The following PLCB4 variants were observed in gnomAD, a reference collection of about 807,000 sequenced individuals.
PLCB4 encodes 1-phosphatidylinositol 4,5-bisphosphate phosphodiesterase beta-4.
In PLCB4, 77 loss-of-function variants were observed where a neutral mutation model predicts 178.8. The ratio of observed to expected loss-of-function variants is 0.43; its 90% CI spans 0.36 to 0.52. PLCB4 has a LOEUF of 0.52. Ranked by LOEUF, PLCB4 falls within the 20% of genes least tolerant of loss-of-function variation. The pLI, the probability that PLCB4 is intolerant of heterozygous loss-of-function variation, is 0.00. For missense variants in PLCB4, 1,024 were observed against 1,453.4 expected, an observed-to-expected ratio of 0.70 and a Z score of 4.80; for synonymous variants, 496 against 490.8, an observed-to-expected ratio of 1.01 and a Z score of -0.14.
chr20:9,476,625 C>T (rs536903958), intron 38 of PLCB4, 92 bp from the exon 39 acceptor site: 6 of 882,482 alleles, frequency 6.8e-6, no homozygotes, highest in Non-Finnish European at 1.1e-5. Flanking sequence ...TATGGTTTTG[C>T]ATTCATTTTT....
In PLCB4 at chr20:9,230,685, C is replaced by T. The variant is rs2093922264; in HGVS notation, c.-16+13233C>T. Among the ~76,000 whole-genome samples, 4 of 152,076 alleles carry T rather than the reference C, an allele frequency of 2.6e-5. No individual in the cohort carries two copies. In the South Asian group the frequency reaches 8.3e-4, roughly 31 times the overall value. ...CTCTTATGGGTCTCTGTTCAACTGC[C>T]AAGTATGCTGAGGGCTGGGTGGTGT... On this transcript the variant is annotated intron_variant, in intron 3 of 39. Transcript: ENST00000378473.
chr20:9,220,233 C>T (rs945306375), intron 3 of PLCB4, among the ~76,000 whole-genome samples: 3 of 152,158 alleles, frequency 2.0e-5, no homozygotes, highest in Non-Finnish European at 2.9e-5. Flanking sequence ...AAGTAAACAA[C>T]CCTTGATAAC....
At chr20:9,460,254 C>A (rs2043306960) in intron 35 of PLCB4, among the ~76,000 whole-genome samples, 1 of 152,196 alleles carries the variant, frequency 6.6e-6, no homozygotes, top group South Asian at 2.1e-4. Flanking sequence ...GGAGCTCTAC[C>A]TTTTCAGAGT....
At chr20:9,128,192 G>A (rs141944438) in intron 2 of PLCB4, among the ~76,000 whole-genome samples, 1,771 of 152,010 alleles carry the variant, frequency 0.012, 42 homozygotes, top group African/African-American at 0.041. Context: ...AAAGAGTGTG[G>A]TATGTCCCCT....
At chr20:9,326,956 G>A (rs1490420561) in intron 4 of PLCB4, among the ~76,000 whole-genome samples, 2 of 152,096 alleles carry the variant, frequency 1.3e-5, no homozygotes, top group African/African-American at 4.8e-5. Context: ...CTGTCAAAAT[G>A]TATTTGTATT....
At chr20:9,134,148 T>C (rs796636203) in intron 2 of PLCB4, among the ~76,000 whole-genome samples, 3 of 152,328 alleles carry the variant, frequency 2.0e-5, no homozygotes, top group African/African-American at 7.2e-5. Flanking sequence ...CCATTGTTGG[T>C]GTCCAGCCCC....
intron 2 of PLCB4, among the ~76,000 whole-genome samples, chr20:9,191,303 G>A (rs2093399710): frequency 6.7e-6 from 1 of 150,160 alleles, no homozygotes; most frequent in Non-Finnish European, 1.5e-5. Flanking sequence ...TGATCTTTAG[G>A]ACTAGTGACC....
intron 3 of PLCB4, among the ~76,000 whole-genome samples, chr20:9,288,652 TA>T (rs2094555278): frequency 6.6e-6 from 1 of 151,594 alleles, no homozygotes; most frequent in Admixed American, 6.6e-5. Context: ...GGAGGGAGAA[TA>T]CTGAGAGCCA....
chr20:9,385,777 A>G (rs1300768421), intron 14 of PLCB4, among the ~76,000 whole-genome samples: 6 of 134,628 alleles, frequency 4.5e-5, no homozygotes, highest in East Asian at 4.8e-4. Context: ...CAGACGGGGC[A>G]GCCGGGCAGA....
intron 35 of PLCB4, among the ~76,000 whole-genome samples, chr20:9,461,136 T>C (rs373968164): frequency 2.8e-4 from 42 of 152,304 alleles, no homozygotes; most frequent in African/African-American, 7.9e-4. Context: ...TTTTACATTG[T>C]TGAATAAAGA....
chr20:9,244,360 T>C (rs2094101597), intron 3 of PLCB4, among the ~76,000 whole-genome samples: 1 of 152,230 alleles, frequency 6.6e-6, no homozygotes, highest in East Asian at 1.9e-4. Context: ...TAAATCAATT[T>C]AGTTCTGCTA....
intron 2 of PLCB4, among the ~76,000 whole-genome samples, chr20:9,147,783 A>C (rs1216950810): frequency 1.3e-5 from 2 of 152,136 alleles, no homozygotes; most frequent in Non-Finnish European, 2.9e-5. Context: ...CCATTGGCCA[A>C]AGGAAGTCAC....
At chr20:9,137,527 A>AAG (rs148681710) in intron 2 of PLCB4, among the ~76,000 whole-genome samples, 3,463 of 152,170 alleles carry the variant, frequency 0.023, 118 homozygotes, top group African/African-American at 0.077. Flanking sequence ...TGAAAATTGG[A>AAG]TTCTGCCTTA....
At chr20:9,450,658 C>CTTTTTTTTTTTT (rs60982044) in intron 32 of PLCB4, among the ~76,000 whole-genome samples, 115 of 100,226 alleles carry the variant, frequency 1.1e-3, no homozygotes, top group East Asian at 1.7e-3. Context: ...CTTTTCTTTT[C>CTTTTTTTTTTTT]TTTTTTTTTT....
chr20:9,275,205 C>T lies in PLCB4; in HGVS notation c.-15-32595C>T, dbSNP rs73093860. Among the ~76,000 whole-genome samples, 1,394 of 151,858 alleles carry T rather than the reference C, an allele frequency of 9.2e-3. 15 individuals carry two copies. Among genetic ancestry groups the T allele is most frequent in the South Asian group, 0.043 (204 of 4,794 alleles). ...CAATCATGGCGGAGGGCACAAGGCACTTCTTACATGGAAGCAGCAAGAGAG... is the reference window on the plus strand; with the variant it reads ...CAATCATGGCGGAGGGCACAAGGCATTTCTTACATGGAAGCAGCAAGAGAG... On this transcript the variant is annotated intron_variant, in intron 3 of 39. Transcript: ENST00000378473.
At chr20:9,375,096 GC>G (rs2036560709) in intron 12 of PLCB4, among the ~76,000 whole-genome samples, 1 of 152,060 alleles carries the variant, frequency 6.6e-6, no homozygotes. Context: ...CCAAGTGTCT[GC>G]CCTGAATTTA....
At chr20:9,440,365 A>C (rs1347390315) in intron 30 of PLCB4, among the ~76,000 whole-genome samples, 5 of 152,238 alleles carry the variant, frequency 3.3e-5, no homozygotes, top group African/African-American at 1.2e-4. Flanking sequence ...TATTAAATGC[A>C]GTACAGTGTA....
intron 17 of PLCB4, among the ~76,000 whole-genome samples, chr20:9,391,995 A>G (rs774157460): frequency 4.6e-5 from 7 of 152,104 alleles, no homozygotes; most frequent in Non-Finnish European, 1.0e-4. Context: ...CTGGTGCAAT[A>G]CTACTTTTCT....
chr20:9,366,725 G>A (rs568945682), intron 9 of PLCB4, among the ~76,000 whole-genome samples: 5 of 152,206 alleles, frequency 3.3e-5, no homozygotes, highest in Admixed American at 1.3e-4. Context: ...CTTTTCACAT[G>A]AAGACAGGCA....
Sources: gnomAD v4.1 joint callset for allele counts (sites outside exome capture counted in the v4.1 genomes callset) on GRCh38, gnomAD v4.1.1 for gene constraint, MANE v1.5 for transcripts, NCBI Gene and HGNC (gene_info 2026-07-23, HGNC 2026-07-21) for gene names.